Variants in PABPC4L observed in about 807,000 individuals in gnomAD.
PABPC4L encodes the protein polyadenylate-binding protein 4-like.
For missense variants in PABPC4L, 452 were observed against 451.4 expected (o/e 1.00, Z -0.01); for synonymous variants, 169 against 164.1 (o/e 1.03, Z -0.23).
chr4:134,058,860 A>T, the PABPC4L span, among the ~76,000 whole-genome samples: 1 of 152,038 alleles, frequency 6.6e-6, no homozygotes, highest in Non-Finnish European at 1.5e-5. Flanking sequence ...ATGACAACAG[A>T]TGGGAGATGT....
chr4:134,141,283 T>C, the PABPC4L span, among the ~76,000 whole-genome samples: 1 of 151,390 alleles, frequency 6.6e-6, no homozygotes, highest in African/African-American at 2.4e-5. Flanking sequence ...TTTTCTGAAA[T>C]GTATCTGGTA....
the PABPC4L span, among the ~76,000 whole-genome samples, chr4:133,966,855 C>G: frequency 6.6e-6 from 1 of 152,066 alleles, no homozygotes; most frequent in Non-Finnish European, 1.5e-5. Context: ...CAATGAGAAG[C>G]TTTTGAAATG....
At chr4:134,146,017 C>A in the PABPC4L span, among the ~76,000 whole-genome samples, 1 of 151,788 alleles carries the variant, frequency 6.6e-6, no homozygotes, top group Non-Finnish European at 1.5e-5. Flanking sequence ...AGTATCTATC[C>A]TTTTATAAGA....
the PABPC4L span, among the ~76,000 whole-genome samples, chr4:134,026,213 T>A: frequency 6.6e-6 from 1 of 151,650 alleles, no homozygotes; most frequent in Non-Finnish European, 1.5e-5. Context: ...CTGAAATATT[T>A]AATGTATATA....
chr4:134,066,873 A>G, the PABPC4L span, among the ~76,000 whole-genome samples: 79 of 152,306 alleles, frequency 5.2e-4, no homozygotes, highest in East Asian at 0.011. Context: ...CCAAACTTGC[A>G]TCCCAGAAAT....
chr4:134,158,629 T>C, the PABPC4L span, among the ~76,000 whole-genome samples: 17 of 152,164 alleles, frequency 1.1e-4, no homozygotes, highest in Non-Finnish European at 2.1e-4. Flanking sequence ...CTTGAACTTC[T>C]TGCCTGGATA....
chr4:134,184,552 CA>C, the PABPC4L span, among the ~76,000 whole-genome samples: 1 of 151,890 alleles, frequency 6.6e-6, no homozygotes, highest in East Asian at 1.9e-4. Flanking sequence ...AAGATTCCTC[CA>C]TATCTTTTCA....
chr4:134,194,166 T>C (rs1310233414), downstream of PABPC4L, among the ~76,000 whole-genome samples: 1 of 151,880 alleles, frequency 6.6e-6, no homozygotes, highest in Admixed American at 6.6e-5. Context: ...AGGAGTTTTA[T>C]TTTGCTCCTC....
At chr4:134,113,051 A>T in the PABPC4L span, among the ~76,000 whole-genome samples, 1 of 151,994 alleles carries the variant, frequency 6.6e-6, no homozygotes, top group Admixed American at 6.6e-5. Flanking sequence ...AAATTTAAAA[A>T]TGGAAAAAAA....
the PABPC4L span, among the ~76,000 whole-genome samples, chr4:134,122,271 T>A: frequency 6.6e-6 from 1 of 151,890 alleles, no homozygotes; most frequent in African/African-American, 2.4e-5. Context: ...CTTTTGCACA[T>A]ATGACTGTAT....
the PABPC4L span, among the ~76,000 whole-genome samples, chr4:134,159,679 C>A: frequency 6.6e-6 from 1 of 152,056 alleles, no homozygotes; most frequent in Non-Finnish European, 1.5e-5. Flanking sequence ...TGGCCAGGGG[C>A]CCCAAATAAA....
At chr4:134,159,870 C>T in the PABPC4L span, among the ~76,000 whole-genome samples, 1 of 152,088 alleles carries the variant, frequency 6.6e-6, no homozygotes, top group Non-Finnish European at 1.5e-5. Context: ...CACAGGCAGC[C>T]TCCTTTTTAG....
chr4:134,104,335 G>A, the PABPC4L span, among the ~76,000 whole-genome samples: 4 of 151,674 alleles, frequency 2.6e-5, no homozygotes, highest in Non-Finnish European at 5.9e-5. Flanking sequence ...AACAAAGGCA[G>A]TGACTCCTTG....
chr4:134,104,084 T>C, the PABPC4L span, among the ~76,000 whole-genome samples: 1 of 151,750 alleles, frequency 6.6e-6, no homozygotes, highest in Non-Finnish European at 1.5e-5. Context: ...TTTTTGCTAA[T>C]ATTTAAAATA....
At chr4:134,002,195 T>C in the PABPC4L span, among the ~76,000 whole-genome samples, 3 of 152,030 alleles carry the variant, frequency 2.0e-5, no homozygotes, top group South Asian at 4.1e-4. Context: ...CCGGTAAATA[T>C]TGAAATATCC....
the PABPC4L span, among the ~76,000 whole-genome samples, chr4:134,136,452 G>A: frequency 1.3e-5 from 2 of 152,010 alleles, no homozygotes; most frequent in East Asian, 1.9e-4. Context: ...TTTTACCCAT[G>A]GAGCAATTTG....
the PABPC4L span, among the ~76,000 whole-genome samples, chr4:134,180,175 C>G: frequency 5.9e-5 from 9 of 151,922 alleles, no homozygotes; most frequent in Non-Finnish European, 1.2e-4. Context: ...TCATAAAAAA[C>G]AAAATCATAC....
the PABPC4L span, among the ~76,000 whole-genome samples, chr4:134,128,947 G>A: frequency 6.8e-4 from 103 of 152,054 alleles, no homozygotes; most frequent in African/African-American, 2.3e-3. Context: ...GACACATAAG[G>A]ACTCATATAA....
chr4:133,984,036 T>C, the PABPC4L span, among the ~76,000 whole-genome samples: 1 of 151,830 alleles, frequency 6.6e-6, no homozygotes, highest in Non-Finnish European at 1.5e-5. Context: ...TCTGATCCAC[T>C]GAAAGTAAAA....
Sources: allele counts gnomAD v4.1 joint callset (sites outside exome capture counted in the v4.1 genomes callset), GRCh38; gene constraint gnomAD v4.1.1; transcripts MANE v1.5; gene names NCBI Gene and HGNC (gene_info 2026-07-23, HGNC 2026-07-21).